NCOA3: variants seen among roughly 807,000 people sequenced by gnomAD.
NCOA3 encodes the protein CBP-interacting protein.
Under a neutral mutation model 158.8 loss-of-function variants are expected in NCOA3, and 51 were observed. The ratio of observed to expected loss-of-function variants is 0.32; its 90% CI spans 0.26 to 0.41. NCOA3 has a LOEUF of 0.41. Ranked by LOEUF, NCOA3 falls within the 10% of genes least tolerant of loss-of-function variation. The probability of loss-of-function intolerance (pLI) is 1.00; values close to 1 mark genes in which losing one functional copy is unlikely to be tolerated. For synonymous variants in NCOA3, 537 were observed against 592.4 expected, an observed-to-expected ratio of 0.91 and a Z score of 1.36; for missense variants, 1,510 against 1,746.6, an observed-to-expected ratio of 0.86 and a Z score of 2.41.
rs1293335961 is a variant in NCOA3, at chr20:47,642,312, T to C, written c.3180T>C (p.Leu1060=). 6.2e-7 allele frequency: 1 copy of C among 1,613,494 alleles called. No individual in the cohort carries two copies. Among genetic ancestry groups the C allele is most frequent in the Admixed American group, 1.7e-5 (1 of 59,790 alleles). The change falls in exon 17 of 23, where the codon CTT becomes CTC. Residue 1060 remains leucine (L), a synonymous_variant. Transcript: ENST00000371998. ...CATTATTGGACCAGCTGCACACTCT[T>C]CTCAGCAACACAGATGCCACAGGCC... ...ERALLDQLHT[L]LSNTDATGLE... is the part of the protein sequence containing the mutation.
At chr20:47,512,828 C>A (rs901643712) in intron 1 of NCOA3, among the ~76,000 whole-genome samples, 1 of 152,040 alleles carries the variant, frequency 6.6e-6, no homozygotes, top group Non-Finnish European at 1.5e-5. Flanking sequence ...TGAAATGGTA[C>A]AATCACTTTG....
At chr20:47,609,703 C>G (rs6090705) in intron 2 of NCOA3, among the ~76,000 whole-genome samples, 1 of 148,652 alleles carries the variant, frequency 6.7e-6, no homozygotes, top group Non-Finnish European at 1.5e-5. Flanking sequence ...CACTCCAGCC[C>G]GGGTGACAGG....
chr20:47,597,504 G>C (rs1184822205), intron 2 of NCOA3, among the ~76,000 whole-genome samples: 6 of 149,808 alleles, frequency 4.0e-5, no homozygotes, highest in African/African-American at 1.5e-4. Context: ...TTTTTGGGAG[G>C]GGGAGATGGA....
chr20:47,504,503 T>TA (rs1556553293), intron 1 of NCOA3, among the ~76,000 whole-genome samples: 8 of 113,214 alleles, frequency 7.1e-5, no homozygotes, highest in South Asian at 2.7e-4. Flanking sequence ...TTTTTTTTTT[T>TA]AACGAATTCA....
chr20:47,626,600 C>T (rs72645249), intron 5 of NCOA3, among the ~76,000 whole-genome samples: 2,607 of 151,332 alleles, frequency 0.017, 38 homozygotes, highest in Non-Finnish European at 0.025. Flanking sequence ...AGTTTTTACA[C>T]ATTCTACTTA....
At chr20:47,599,988 A>G (rs1245347712) in intron 2 of NCOA3, among the ~76,000 whole-genome samples, 1 of 152,042 alleles carries the variant, frequency 6.6e-6, no homozygotes, top group East Asian at 1.9e-4. Flanking sequence ...AAATTCACCA[A>G]AAAATTCATA....
At chr20:47,632,400 T>A (rs548271601) in intron 8 of NCOA3, among the ~76,000 whole-genome samples, 14 of 147,688 alleles carry the variant, frequency 9.5e-5, no homozygotes, top group South Asian at 4.3e-4. Flanking sequence ...TTTTTTTTTT[T>A]AATTGGAGAT....
In NCOA3 at chr20:47,653,590, A is replaced by C; in HGVS notation, c.*173A>C. The C allele has an allele frequency of 1.3e-6, 1 of 759,756 alleles. No homozygotes were observed. The highest frequency in any genetic ancestry group is 2.2e-6 in the Non-Finnish European group (1 of 455,738). 47.1% of individuals were successfully genotyped at this position (759,756 alleles called of 1,614,324 possible). ...TGAGCAGGACTGGATTTTAAGCCGAAGGGCAATATCTACGTGTTTTTCCCC... is the reference window on the plus strand; with the variant it reads ...TGAGCAGGACTGGATTTTAAGCCGACGGGCAATATCTACGTGTTTTTCCCC... On this transcript the variant is annotated 3_prime_UTR_variant, in exon 23 of 23. Coordinates refer to ENST00000371998, the MANE Select transcript of NCOA3 (RefSeq NM_181659.3).
intron 2 of NCOA3, among the ~76,000 whole-genome samples, chr20:47,600,975 T>C (rs1438837367): frequency 1.3e-5 from 2 of 152,204 alleles, no homozygotes; most frequent in African/African-American, 4.8e-5. Context: ...TTGTATTTTA[T>C]TATTAAAGTC....
intron 1 of NCOA3, among the ~76,000 whole-genome samples, chr20:47,506,169 A>C (rs2084029340): frequency 2.0e-5 from 3 of 152,008 alleles, no homozygotes. Flanking sequence ...AACACTTCAG[A>C]ATTAAGGTGG....
chr20:47,552,578 C>T (rs72661202), intron 1 of NCOA3, among the ~76,000 whole-genome samples: 4,068 of 152,094 alleles, frequency 0.027, 217 homozygotes, highest in African/African-American at 0.094. Context: ...ATCTATCTAC[C>T]TAGGTTCTAT....
At chr20:47,567,558 C>T (rs2146194556) in intron 1 of NCOA3, among the ~76,000 whole-genome samples, 1 of 152,116 alleles carries the variant, frequency 6.6e-6, no homozygotes, top group East Asian at 1.9e-4. Context: ...CATGTCATCA[C>T]ACCTGGCTAA....
chr20:47,593,217 G>A (rs2085678385), intron 2 of NCOA3, among the ~76,000 whole-genome samples: 1 of 151,764 alleles, frequency 6.6e-6, no homozygotes, highest in Admixed American at 6.6e-5. Flanking sequence ...ACAGGCCTGA[G>A]CCACTGCACC....
intron 1 of NCOA3, among the ~76,000 whole-genome samples, chr20:47,511,513 ATC>A (rs1227647792): frequency 2.2e-4 from 22 of 98,806 alleles, no homozygotes; most frequent in African/African-American, 8.5e-4. Context: ...TGAGATATGT[ATC>A]TCTCTCGAGA....
At chr20:47,613,157 A>G (rs985039823) in intron 2 of NCOA3, among the ~76,000 whole-genome samples, 6 of 152,178 alleles carry the variant, frequency 3.9e-5, no homozygotes, top group African/African-American at 1.4e-4. Flanking sequence ...CCTTCACTCA[A>G]TATGCTGGCA....
At chr20:47,526,994 A>G (rs1032170285) in intron 1 of NCOA3, among the ~76,000 whole-genome samples, 2 of 152,162 alleles carry the variant, frequency 1.3e-5, no homozygotes, top group Non-Finnish European at 2.9e-5. Flanking sequence ...TTAGATTTCA[A>G]TTTGAATAAT....
intron 2 of NCOA3, among the ~76,000 whole-genome samples, chr20:47,621,484 T>C (rs1053533225): frequency 6.6e-6 from 1 of 152,112 alleles, no homozygotes; most frequent in Non-Finnish European, 1.5e-5. Context: ...ATGTAATTCT[T>C]TACAACAGTG....
At chr20:47,509,196 C>T (rs981604986) in intron 1 of NCOA3, among the ~76,000 whole-genome samples, 1 of 151,936 alleles carries the variant, frequency 6.6e-6, no homozygotes, top group Non-Finnish European at 1.5e-5. Flanking sequence ...TGAGACCAGC[C>T]TGGGCAACAA....
At chr20:47,510,802 T>C (rs923419419) in intron 1 of NCOA3, among the ~76,000 whole-genome samples, 2 of 152,088 alleles carry the variant, frequency 1.3e-5, no homozygotes, top group African/African-American at 4.8e-5. Context: ...TGGCTGGTCT[T>C]GAACTCTTGG....
Sources: allele counts gnomAD v4.1 joint callset (sites outside exome capture counted in the v4.1 genomes callset), GRCh38; gene constraint gnomAD v4.1.1; transcripts MANE v1.5; gene names NCBI Gene and HGNC (gene_info 2026-07-23, HGNC 2026-07-21).